RFPL1: variants seen among roughly 807,000 people sequenced by gnomAD.
The protein encoded by RFPL1 is ret finger protein like 1.
Under a neutral mutation model 9.6 loss-of-function variants are expected in RFPL1, and 6 were observed. That is an observed-to-expected ratio of 0.62 (90% confidence interval 0.34 to 1.23). The LOEUF is 1.23. Among genes scored for constraint, RFPL1 ranks in the 50% most tolerant of loss-of-function variants. The pLI is 0.03. For synonymous variants in RFPL1, 145 were observed against 149.4 expected, an observed-to-expected ratio of 0.97 and a Z score of 0.22; for missense variants, 352 against 398.4, an observed-to-expected ratio of 0.88 and a Z score of 0.99.
At chr22:29,425,938 G>GTAT in the RFPL1 span, among the ~76,000 whole-genome samples, 3 of 152,106 alleles carry the variant, frequency 2.0e-5, no homozygotes, top group African/African-American at 7.2e-5. Context: ...TTGTTATGAT[G>GTAT]TATTTTTTGT....
chr22:29,420,640 T>TG, the RFPL1 span, among the ~76,000 whole-genome samples: 1 of 130,388 alleles, frequency 7.7e-6, no homozygotes, highest in African/African-American at 2.9e-5. Flanking sequence ...TTTGCTTTTT[T>TG]TTTTTTTTTT....
chr22:29,420,126 T>A, the RFPL1 span, among the ~76,000 whole-genome samples: 1 of 152,218 alleles, frequency 6.6e-6, no homozygotes, highest in African/African-American at 2.4e-5. Flanking sequence ...TGCTCAGGAT[T>A]TCACTTCCTG....
the RFPL1 span, among the ~76,000 whole-genome samples, chr22:29,412,394 C>T: frequency 2.0e-5 from 3 of 152,044 alleles, no homozygotes; most frequent in Admixed American, 6.6e-5. Context: ...AGTGGCAGCG[C>T]TCCCGAGTAG....
At chr22:29,435,893 C>A (rs1198305014), upstream of RFPL1, among the ~76,000 whole-genome samples, 1 of 152,196 alleles carries the variant, frequency 6.6e-6, no homozygotes, top group Non-Finnish European at 1.5e-5. Flanking sequence ...CTGGTCAAGA[C>A]CTGAGTCTCA....
chr22:29,433,932 C>A (rs2062796315), upstream of RFPL1, among the ~76,000 whole-genome samples: 1 of 151,932 alleles, frequency 6.6e-6, no homozygotes, highest in Non-Finnish European at 1.5e-5. Flanking sequence ...ACCTGGAGAT[C>A]TTTTATAAAA....
At chr22:29,409,067 C>CT in the RFPL1 span, among the ~76,000 whole-genome samples, 20 of 149,254 alleles carry the variant, frequency 1.3e-4, no homozygotes, top group East Asian at 2.0e-4. Context: ...TGTACATATA[C>CT]TTTTTTTTTT....
At chr22:29,398,360 T>C in the RFPL1 span, among the ~76,000 whole-genome samples, 3 of 152,060 alleles carry the variant, frequency 2.0e-5, no homozygotes, top group Non-Finnish European at 4.4e-5. Context: ...GGCGGTGCCA[T>C]TTGCCAAAAA....
At chr22:29,429,197 G>C in the RFPL1 span, among the ~76,000 whole-genome samples, 3 of 152,176 alleles carry the variant, frequency 2.0e-5, no homozygotes, top group Admixed American at 2.0e-4. Context: ...TGAGACTATA[G>C]GTGCACACCA....
chr22:29,418,951 A>G, the RFPL1 span, among the ~76,000 whole-genome samples: 2 of 152,120 alleles, frequency 1.3e-5, no homozygotes, highest in East Asian at 3.9e-4. Context: ...AACTCACTCC[A>G]TCACCACCTG....
the RFPL1 span, among the ~76,000 whole-genome samples, chr22:29,431,559 A>C: frequency 2.6e-5 from 4 of 152,238 alleles, no homozygotes; most frequent in Non-Finnish European, 5.9e-5. Flanking sequence ...AGTCTAGTAC[A>C]TAGCTGTCCA....
the RFPL1 span, among the ~76,000 whole-genome samples, chr22:29,393,179 C>G: frequency 3.9e-5 from 6 of 152,184 alleles, no homozygotes; most frequent in Non-Finnish European, 8.8e-5. Flanking sequence ...GAGACTACTA[C>G]TAATAGTTAA....
At chr22:29,425,203 CA>C in the RFPL1 span, among the ~76,000 whole-genome samples, 21,085 of 78,474 alleles carry the variant, frequency 0.27, 1,239 homozygotes, top group African/African-American at 0.33. Flanking sequence ...GACTCCGTCT[CA>C]AAAAAAAAAA....
chr22:29,413,189 T>A, the RFPL1 span, among the ~76,000 whole-genome samples: 1 of 151,858 alleles, frequency 6.6e-6, no homozygotes, highest in Non-Finnish European at 1.5e-5. Context: ...TGCCTCTTCA[T>A]GGTTAAATAA....
At chr22:29,405,847 C>T in the RFPL1 span, among the ~76,000 whole-genome samples, 8 of 152,228 alleles carry the variant, frequency 5.3e-5, no homozygotes, top group East Asian at 3.9e-4. Context: ...CGGTGGCTCA[C>T]GCCTGTAATC....
the RFPL1 span, among the ~76,000 whole-genome samples, chr22:29,406,114 T>A: frequency 1.6e-4 from 2 of 12,866 alleles, no homozygotes; most frequent in South Asian, 5.3e-3. Context: ...AGACTCCTTC[T>A]CAAAAAAAAA....
chr22:29,413,028 T>C, the RFPL1 span, among the ~76,000 whole-genome samples: 1 of 152,162 alleles, frequency 6.6e-6, no homozygotes, highest in Non-Finnish European at 1.5e-5. Flanking sequence ...CTGGCCCTTA[T>C]GCAGATGCCC....
chr22:29,409,834 C>T, the RFPL1 span, among the ~76,000 whole-genome samples: 3 of 152,074 alleles, frequency 2.0e-5, no homozygotes, highest in Admixed American at 2.0e-4. Context: ...TGGACTCTAG[C>T]GACTGTCACT....
At chr22:29,425,754 A>G in the RFPL1 span, among the ~76,000 whole-genome samples, 1 of 151,654 alleles carries the variant, frequency 6.6e-6, no homozygotes, top group African/African-American at 2.4e-5. Context: ...ATCACCTGAG[A>G]TGGTGGCAGG....
the RFPL1 span, among the ~76,000 whole-genome samples, chr22:29,396,020 A>AAAGAGAAGAG: frequency 6.6e-6 from 1 of 151,820 alleles, no homozygotes; most frequent in African/African-American, 2.4e-5. Context: ...AAGAGAAAGA[A>AAAGAGAAGAG]AAGAGAAGAG....
Sources: gnomAD v4.1 joint callset for allele counts (sites outside exome capture counted in the v4.1 genomes callset) on GRCh38, gnomAD v4.1.1 for gene constraint, MANE v1.5 for transcripts, NCBI Gene and HGNC (gene_info 2026-07-23, HGNC 2026-07-21) for gene names.